REEP5: variants seen among roughly 807,000 people sequenced by gnomAD.
REEP5 encodes receptor expression-enhancing protein 5.
Under a neutral mutation model 22.4 loss-of-function variants are expected in REEP5, and 24 were observed. The ratio of observed to expected loss-of-function variants is 1.07; its 90% CI spans 0.78 to 1.51. The LOEUF (loss-of-function observed/expected upper bound fraction) is 1.51. Among genes scored for constraint, REEP5 ranks in the 40% most tolerant of loss-of-function variants. The pLI is 0.00. For synonymous variants in REEP5, 103 were observed against 88.6 expected (o/e 1.16, Z -0.92); for missense variants, 252 against 233.0 (o/e 1.08, Z -0.53).
At chr5:112,895,001 G>T (rs558102715) in intron 3 of REEP5, 5 of 150,514 alleles carry the variant, frequency 3.3e-5, no homozygotes, top group Admixed American at 6.6e-5. Context: ...CACTTTAGGA[G>T]GCCGAGGCAG....
intron 2 of REEP5, among the ~76,000 whole-genome samples, chr5:112,903,848 A>AT (rs1235188355): frequency 6.6e-6 from 1 of 152,170 alleles, no homozygotes; most frequent in Non-Finnish European, 1.5e-5. Context: ...CAAAATTTTT[A>AT]TTTTTTTGAG....
intron 1 of REEP5, 52 bp downstream of exon 1, chr5:112,922,021 G>GCAGCGGCGGCTCCCGTGGCCCTAC (rs1226677714): frequency 1.9e-6 from 3 of 1,553,026 alleles, no homozygotes; most frequent in Non-Finnish European, 2.6e-6. Context: ...AGCAGCTGGG[G>GCAGCGGCGGCTCCCGTGGCCCTAC]CAGCGGCGGC....
At chr5:112,886,951 T>TTA in intron 4 of REEP5, 64 bp downstream of exon 4, 1 of 1,248,504 alleles carries the variant, frequency 8.0e-7, no homozygotes, top group Non-Finnish European at 1.1e-6. Context: ...AGGAAGCCTG[T>TTA]TATTTGAGCC....
At chr5:112,889,554 T>C (rs927223604) in intron 3 of REEP5, among the ~76,000 whole-genome samples, 1 of 150,758 alleles carries the variant, frequency 6.6e-6, no homozygotes, top group African/African-American at 2.5e-5. Context: ...ATGTTTGCAA[T>C]AGAATTATTT....
chr5:112,902,147 T>G (rs1358918356), intron 3 of REEP5, among the ~76,000 whole-genome samples: 1 of 151,514 alleles, frequency 6.6e-6, no homozygotes, highest in African/African-American at 2.4e-5. Flanking sequence ...AGTAGCCAGG[T>G]GCAGTGGTGT....
rs775379924 is a variant in REEP5, at chr5:112,887,175, G to T, written c.360C>A (p.Phe120Leu). 1 of 1,596,842 alleles carries T rather than the reference G, an allele frequency of 6.3e-7. No individual in the cohort carries two copies. The highest frequency in any genetic ancestry group is 1.1e-5 in the South Asian group (1 of 89,508). Reference sequence around the variant, plus strand: ...GGCTCGGGGCCATGCACCACAACAGGAAGCCACACTGCACAGAAAAAGAGC... The same window carrying T: ...GGCTCGGGGCCATGCACCACAACAGTAAGCCACACTGCACAGAAAAAGAGC... ...FPFYYMLKCG[F>L]LLWCMAPSPS... is the part of the protein sequence containing the mutation. The change falls in exon 4 of 5, where the codon TTC becomes TTA. Residue 120 changes from phenylalanine to leucine, a missense_variant. Coordinates refer to ENST00000379638, the MANE Select transcript of REEP5 (RefSeq NM_005669.5).
chr5:112,891,540 TATTC>T (rs1295549850), intron 3 of REEP5: 9 of 1,486,508 alleles, frequency 6.1e-6, no homozygotes, highest in Admixed American at 2.0e-5. Context: ...AAACATAAAA[TATTC>T]ATAAGTAGAA....
chr5:112,888,096 C>A (rs934526281), intron 3 of REEP5, among the ~76,000 whole-genome samples: 2 of 152,236 alleles, frequency 1.3e-5, no homozygotes, highest in Non-Finnish European at 2.9e-5. Flanking sequence ...AAGTCACTTA[C>A]AGAGATTCCA....
chr5:112,911,436 A>AT (rs1769100285), intron 2 of REEP5, among the ~76,000 whole-genome samples: 1 of 152,186 alleles, frequency 6.6e-6, no homozygotes. Context: ...GGTTTCATCT[A>AT]TCAATCAATA....
At chr5:112,916,706 G>A (rs1001361240) in intron 2 of REEP5, among the ~76,000 whole-genome samples, 1 of 152,178 alleles carries the variant, frequency 6.6e-6, no homozygotes, top group African/African-American at 2.4e-5. Context: ...AGAGCCACAA[G>A]GGAGGTAGCA....
chr5:112,920,775 C>G (rs1281590883), intron 2 of REEP5, among the ~76,000 whole-genome samples: 1 of 152,150 alleles, frequency 6.6e-6, no homozygotes, highest in Non-Finnish European at 1.5e-5. Flanking sequence ...TAGGGTTTTA[C>G]TCTCTAGGTG....
At chr5:112,899,837 T>G (rs953258620) in intron 3 of REEP5, among the ~76,000 whole-genome samples, 2 of 152,236 alleles carry the variant, frequency 1.3e-5, no homozygotes, top group Admixed American at 6.5e-5. Context: ...TTATTCAGAT[T>G]TTGGAATATG....
In REEP5 at chr5:112,892,220, G is replaced by C; in HGVS notation, c.352-5037C>G. ...TGCAGATTTGGAGACAGATGTTCAC[G>C]TAAACATAATTTCCCAACATCTAGT... is the stretch of plus-strand genomic sequence containing the variant. On this transcript the variant is annotated intron_variant, in intron 3 of 4. Coordinates refer to ENST00000379638, the MANE Select transcript of REEP5 (RefSeq NM_005669.5). 2 of 1,614,104 alleles carry C rather than the reference G, an allele frequency of 1.2e-6. 1 individual carries two copies. Among genetic ancestry groups the C allele is most frequent in the South Asian group, 2.2e-5 (2 of 91,080 alleles).
chr5:112,888,499 T>C (rs1300809694), intron 3 of REEP5, among the ~76,000 whole-genome samples: 1 of 152,226 alleles, frequency 6.6e-6, no homozygotes, highest in Non-Finnish European at 1.5e-5. Context: ...CATGGCTTAC[T>C]GCAGCCTTGA....
chr5:112,889,968 A>C (rs1234313742), intron 3 of REEP5, among the ~76,000 whole-genome samples: 1 of 150,070 alleles, frequency 6.7e-6, no homozygotes, highest in African/African-American at 2.5e-5. Context: ...CTGGGACTGC[A>C]GGCAAACACC....
intron 2 of REEP5, 24 bp downstream of exon 2, chr5:112,921,139 A>T: frequency 1.2e-6 from 2 of 1,608,768 alleles, no homozygotes; most frequent in Non-Finnish European, 1.7e-6. Context: ...AGGGAAGGGG[A>T]CGGCTGCAGG....
At chr5:112,889,255 G>C (rs456313) in intron 3 of REEP5, among the ~76,000 whole-genome samples, 63,401 of 150,226 alleles carry the variant, frequency 0.42, 15,949 homozygotes, top group African/African-American at 0.67. Flanking sequence ...ACAAAACCCA[G>C]ACACTATAGG....
intron 3 of REEP5, among the ~76,000 whole-genome samples, chr5:112,902,068 T>C (rs972405102): frequency 2.6e-5 from 4 of 152,064 alleles, no homozygotes; most frequent in African/African-American, 4.8e-5. Context: ...ATGATGGTGG[T>C]TGGAGTGATG....
chr5:112,898,835 T>C (rs1301086466), intron 3 of REEP5, among the ~76,000 whole-genome samples: 1 of 152,130 alleles, frequency 6.6e-6, no homozygotes, highest in Non-Finnish European at 1.5e-5. Context: ...AACAAAAAAA[T>C]CCAATCTTTG....
Sources: gnomAD v4.1 joint callset for allele counts (sites outside exome capture counted in the v4.1 genomes callset) on GRCh38, gnomAD v4.1.1 for gene constraint, MANE v1.5 for transcripts, NCBI Gene and HGNC (gene_info 2026-07-23, HGNC 2026-07-21) for gene names.